The following STRBP variants were observed in gnomAD, a reference collection of about 807,000 sequenced individuals.
STRBP encodes spermatid perinuclear RNA-binding protein.
A neutral mutation model predicts 80.1 loss-of-function variants in STRBP; 13 were observed. That is an observed-to-expected ratio of 0.16 (90% confidence interval 0.11 to 0.26). STRBP has a LOEUF of 0.26. Among genes scored for constraint, STRBP ranks in the 10% least tolerant of loss-of-function variants. STRBP has a pLI of 1.00. For synonymous variants in STRBP, 284 were observed against 291.2 expected (o/e 0.98, Z 0.25); for missense variants, 485 against 815.2 (o/e 0.59, Z 4.93).
intron 2 of STRBP, among the ~76,000 whole-genome samples, chr9:123,223,357 T>C (rs1564315517): frequency 6.6e-6 from 1 of 152,158 alleles, no homozygotes; most frequent in African/African-American, 2.4e-5. Context: ...AAATTATACT[T>C]TAAATAATAA....
chr9:123,160,392 G>A lies in STRBP; in HGVS notation c.698C>T (p.Pro233Leu), dbSNP rs1483214091. 2 of 1,601,056 alleles carry A rather than the reference G, an allele frequency of 1.2e-6. No individual in the cohort carries two copies. Among genetic ancestry groups the A allele is most frequent in the Admixed American group, 1.7e-5 (1 of 59,708 alleles). Residue 233 changes from proline (P) to leucine (L), a missense_variant, in exon 8 of 19, where the codon CCC becomes CTC. Physicochemically the swap from Pro to Leu is moderately conservative, Grantham distance 98 (BLOSUM62 -3). This residue lies in a region of STRBP where 377 missense variants were observed against 616.1 expected (regional missense o/e 0.61). Coordinates refer to ENST00000348403, the MANE Select transcript of STRBP (RefSeq NM_018387.5). ...CCATCCTTTCAATGGTGCCCATGTG[G>A]GGACTCTGTTGCACAAATCACGCAG... ...RILRDLCNRVPTWAPLKGWPL... is the reference protein window; with the variant it reads ...RILRDLCNRVLTWAPLKGWPL...
chr9:123,184,397 T>A, intron 2 of STRBP, 99 bp from the exon 3 acceptor site: 1 of 305,982 alleles, frequency 3.3e-6, no homozygotes, highest in Middle Eastern at 8.3e-4. Flanking sequence ...TAAAAAGAAA[T>A]AAACTCAATA....
chr9:123,171,816 CT>C (rs940685969), intron 5 of STRBP, among the ~76,000 whole-genome samples: 1 of 152,126 alleles, frequency 6.6e-6, no homozygotes, highest in Non-Finnish European at 1.5e-5. Flanking sequence ...GTATTTATAT[CT>C]TTTTTAGTTT....
chr9:123,214,823 T>C (rs2039838765), intron 2 of STRBP, among the ~76,000 whole-genome samples: 1 of 152,190 alleles, frequency 6.6e-6, no homozygotes, highest in Admixed American at 6.5e-5. Flanking sequence ...TTTATGCACG[T>C]GTTTATATGT....
chr9:123,159,347 C>T, intron 8 of STRBP, 140 bp from the exon 9 acceptor site: 1 of 529,612 alleles, frequency 1.9e-6, no homozygotes, highest in South Asian at 3.6e-5. Flanking sequence ...TTAACATTTT[C>T]CCCATGATTA....
chr9:123,146,515 T>C (rs10985892), intron 13 of STRBP, among the ~76,000 whole-genome samples: 9,133 of 149,920 alleles, frequency 0.061, 329 homozygotes, highest in Non-Finnish European at 0.067. Context: ...TAAAATTACA[T>C]ATATACTGTG....
chr9:123,191,563 A>G (rs1175416508), intron 2 of STRBP, among the ~76,000 whole-genome samples: 2 of 152,148 alleles, frequency 1.3e-5, no homozygotes. Context: ...TTGTGGTGCA[A>G]ATGTAGCCAT....
At chr9:123,147,996 C>A in intron 11 of STRBP, 126 bp from the exon 12 acceptor site, 1 of 762,710 alleles carries the variant, frequency 1.3e-6, no homozygotes, top group Non-Finnish European at 2.0e-6. Context: ...AACTTTTTCA[C>A]TGATCAGTTA....
intron 4 of STRBP, 72 bp from the exon 5 acceptor site, chr9:123,173,914 T>C: frequency 6.8e-7 from 1 of 1,472,684 alleles, no homozygotes; most frequent in South Asian, 1.3e-5. Flanking sequence ...TCACTTGGCT[T>C]CCTGAATACT....
chr9:123,124,118 G>C lies in STRBP; in HGVS notation c.*1479C>G. 1.0e-6 allele frequency: 1 copy of C among 985,372 alleles called. No homozygotes were observed. The highest frequency in any genetic ancestry group is 1.2e-6 in the Non-Finnish European group (1 of 829,922). The allele number at this position is 985,372 out of a possible 1,614,324, so 61.0% of individuals were successfully genotyped here. ...ATTGCCCATTTCACCTTTATTTAGT[G>C]GTCCCGAAGGAATTTGGTACATACA... On this transcript the variant is annotated 3_prime_UTR_variant, in exon 19 of 19. Coordinates refer to ENST00000348403, the MANE Select transcript of STRBP (RefSeq NM_018387.5).
chr9:123,139,923 G>A (rs2036518887), intron 13 of STRBP, among the ~76,000 whole-genome samples: 3 of 152,188 alleles, frequency 2.0e-5, no homozygotes, highest in African/African-American at 7.2e-5. Context: ...AATACAGGAT[G>A]ACAAATATAA....
At chr9:123,118,897 CTATT>C (rs960558236), downstream of STRBP, among the ~76,000 whole-genome samples, 3 of 152,238 alleles carry the variant, frequency 2.0e-5, no homozygotes, top group Non-Finnish European at 4.4e-5. Context: ...CGTGCACCCT[CTATT>C]TAATCCAAAA....
intron 14 of STRBP, among the ~76,000 whole-genome samples, chr9:123,137,964 G>A (rs1564225364): frequency 6.6e-6 from 1 of 152,000 alleles, no homozygotes; most frequent in Non-Finnish European, 1.5e-5. Flanking sequence ...TTTGAAACTA[G>A]GTCTATAGTA....
chr9:123,258,915 G>A (rs1417983790), intron 1 of STRBP, among the ~76,000 whole-genome samples: 1 of 152,040 alleles, frequency 6.6e-6, no homozygotes, highest in Non-Finnish European at 1.5e-5. Flanking sequence ...TTCGATCACA[G>A]AAGGACTTGA....
intron 13 of STRBP, among the ~76,000 whole-genome samples, chr9:123,141,822 A>G (rs931075952): frequency 1.1e-4 from 17 of 152,214 alleles, no homozygotes; most frequent in Non-Finnish European, 2.1e-4. Flanking sequence ...ATTCAAATCA[A>G]ATCATTTTTT....
chr9:123,202,384 A>G (rs1398748203), intron 2 of STRBP, among the ~76,000 whole-genome samples: 4 of 152,052 alleles, frequency 2.6e-5, no homozygotes, highest in African/African-American at 9.7e-5. Context: ...TCCTTTTAGC[A>G]TTTCTTGTAG....
chr9:123,197,971 G>A (rs1338263358), intron 2 of STRBP, among the ~76,000 whole-genome samples: 3 of 152,002 alleles, frequency 2.0e-5, no homozygotes, highest in Admixed American at 6.6e-5. Flanking sequence ...ACGGAGCCTG[G>A]CTCTGTCTTT....
intron 2 of STRBP, among the ~76,000 whole-genome samples, chr9:123,200,762 T>TTTTTTTTTTTTTTTTTTTTTTTTA (rs1554762956): frequency 7.5e-6 from 1 of 133,486 alleles, no homozygotes; most frequent in African/African-American, 2.9e-5. Context: ...TTTTTTTTTT[T>TTTTTTTTTTTTTTTTTTTTTTTTA]AGTAGAGACC....
chr9:123,160,034 CTT>C (rs2037457531), intron 8 of STRBP, among the ~76,000 whole-genome samples: 1 of 152,152 alleles, frequency 6.6e-6, no homozygotes, highest in African/African-American at 2.4e-5. Flanking sequence ...GCCAAGGAGA[CTT>C]TTGTGGGCAG....
Sources: allele counts gnomAD v4.1 joint callset (sites outside exome capture counted in the v4.1 genomes callset), GRCh38; gene constraint gnomAD v4.1.1; regional missense constraint gnomAD v4.1.1; transcripts MANE v1.5; gene names NCBI Gene and HGNC (gene_info 2026-07-23, HGNC 2026-07-21).